Variants in FER1L6 observed in about 807,000 individuals in gnomAD.
FER1L6 encodes fer-1-like protein 6.
A neutral mutation model predicts 219.2 loss-of-function variants in FER1L6; 177 were observed. That is an observed-to-expected ratio of 0.81 (90% confidence interval 0.71 to 0.91). The LOEUF (loss-of-function observed/expected upper bound fraction) is 0.91. FER1L6 is among the 40% of genes least tolerant of loss of function. The pLI, the probability that FER1L6 is intolerant of heterozygous loss-of-function variation, is 0.00. For missense variants in FER1L6, 2,153 were observed against 2,259.9 expected, an observed-to-expected ratio of 0.95 and a Z score of 0.96; for synonymous variants, 768 against 824.3, an observed-to-expected ratio of 0.93 and a Z score of 1.17.
intron 12 of FER1L6, among the ~76,000 whole-genome samples, chr8:123,990,521 A>G (rs993946318): frequency 6.6e-6 from 1 of 151,924 alleles, no homozygotes; most frequent in Non-Finnish European, 1.5e-5. Flanking sequence ...CATTTGTATT[A>G]TCTTCTTTTG....
intron 19 of FER1L6, among the ~76,000 whole-genome samples, chr8:124,037,778 A>G (rs912574967): frequency 2.0e-5 from 3 of 151,924 alleles, no homozygotes; most frequent in Non-Finnish European, 2.9e-5. Flanking sequence ...TGTCTTTGGC[A>G]CCCCCTGCCT....
chr8:123,856,304 A>G lies in FER1L6; in HGVS notation c.-8+4119A>G, dbSNP rs867900183. Among the ~76,000 whole-genome samples the G allele has an allele frequency of 6.5e-3, 393 of 60,426 alleles. 65 individuals are homozygous for G. Among genetic ancestry groups the G allele is most frequent in the African/African-American group, 0.022 (338 of 15,418 alleles). 39.6% of individuals were successfully genotyped at this position (60,426 alleles called of 152,430 possible). ...TATATGTGTGTGTGTATATATATAT[A>G]TATATGTATGTGTATATATATATAT... On this transcript the variant is annotated intron_variant, in intron 1 of 40. Coordinates refer to ENST00000522917, the MANE Select transcript of FER1L6 (RefSeq NM_001039112.2).
At chr8:124,004,114 T>TTA (rs1446347371) in intron 13 of FER1L6, 3 of 18,728 alleles carry the variant, frequency 1.6e-4, no homozygotes, top group Non-Finnish European at 3.1e-4. Context: ...ACTGAAAGAC[T>TTA]CAAAAAAAAA....
In FER1L6 at chr8:124,119,667, C is replaced by T. The variant is rs751399678; in HGVS notation, c.5451C>T (p.Ile1817=). The T allele has an allele frequency of 3.7e-5, 60 of 1,613,570 alleles. No homozygotes were observed. Among genetic ancestry groups the T allele is most frequent in the Non-Finnish European group, 4.8e-5 (57 of 1,179,598 alleles). ...MSPFKCLYYL[I]WKNYKKYIII... ...CCTTTAAGTGCCTGTACTACCTCAT[C>T]TGGAAGAATTACAAAAAGTACATCA... Residue 1817 remains isoleucine, a synonymous_variant, in exon 41 of 41, where the codon ATC becomes ATT. Coordinates refer to ENST00000522917, the MANE Select transcript of FER1L6 (RefSeq NM_001039112.2).
Position 124,111,012 on chromosome 8 carries a change from T to C in FER1L6, c.5289+7703T>C, listed in dbSNP as rs145803278. Among the ~76,000 whole-genome samples the C allele has an allele frequency of 2.7e-3, 414 of 152,188 alleles. 2 individuals carry two copies. The highest frequency in any genetic ancestry group is 9.7e-3 in the African/African-American group (404 of 41,522). On this transcript the variant is annotated intron_variant, in intron 39 of 40. Transcript: ENST00000522917. The surrounding 1 kb of genome is among the most constrained non-coding windows in gnomAD (Gnocchi z 5.0). ...CTACCCTCCCACAGAAACTGGGGTA[T>C]AGGGTGCTATTCTCTCGATGTTTAC...
intron 22 of FER1L6, among the ~76,000 whole-genome samples, chr8:124,055,059 G>C (rs550326364): frequency 6.6e-6 from 1 of 152,132 alleles, no homozygotes; most frequent in Non-Finnish European, 1.5e-5. Context: ...AGAGTCTTTT[G>C]GATCAACTGA....
At position 124,010,750 on chromosome 8, in the gene FER1L6, G is replaced by A. The variant is rs369602356; in HGVS notation, c.1821+36G>A. 68 of 1,606,386 alleles carry A rather than the reference G, an allele frequency of 4.2e-5. No homozygotes were observed. The African/African-American group carries it at 8.7e-4, about 21-fold the overall frequency. ...CTGACAGGTGATGGATTAGAGAATT[G>A]GGAAGCTGGTGGGGGAAGGGATTTT... On this transcript the variant is annotated intron_variant, in intron 14 of 40. Coordinates refer to ENST00000522917, the MANE Select transcript of FER1L6 (RefSeq NM_001039112.2).
chr8:124,085,038 T>G (rs1821723958), intron 33 of FER1L6, among the ~76,000 whole-genome samples: 1 of 152,098 alleles, frequency 6.6e-6, no homozygotes, highest in Admixed American at 6.6e-5. Context: ...CCAATTTATT[T>G]GCTAATTTCC....
At chr8:123,970,987 T>C (rs1370096357) in intron 6 of FER1L6, among the ~76,000 whole-genome samples, 2 of 152,150 alleles carry the variant, frequency 1.3e-5, no homozygotes, top group Non-Finnish European at 2.9e-5. Context: ...GTTTCTCTCT[T>C]CCAAACAGTT....
At chr8:123,960,867 T>A (rs1037792424) in intron 2 of FER1L6, among the ~76,000 whole-genome samples, 7 of 152,220 alleles carry the variant, frequency 4.6e-5, no homozygotes, top group Non-Finnish European at 8.8e-5. Context: ...AGATTAGGAC[T>A]GGCTATCTTT....
rs1353098766 is a variant in FER1L6, at chr8:124,003,209, G to A, written c.1562G>A (p.Ser521Asn). ...ATTGATGGAGGATCCCATCATGGGA[G>A]TAAGAAGTCAGCTGAATCAGCTGAA... ...NLIDGGSHHGSKKSAESAEED... is the reference protein window; with the variant it reads ...NLIDGGSHHGNKKSAESAEED... Residue 521 changes from serine (S) to asparagine (N), a missense_variant, in exon 13 of 41, where the codon AGT becomes AAT. By Grantham distance (46) the Ser-to-Asn change is conservative. Coordinates refer to ENST00000522917, the MANE Select transcript of FER1L6 (RefSeq NM_001039112.2). The A allele has an allele frequency of 2.5e-6, 4 of 1,614,118 alleles. No homozygotes were observed. Among genetic ancestry groups the A allele is most frequent in the East Asian group, 2.2e-5 (1 of 44,872 alleles).
intron 37 of FER1L6, 40 bp from the exon 38 acceptor site, chr8:124,101,057 T>C (rs775035547): frequency 6.3e-7 from 1 of 1,596,752 alleles, no homozygotes. Context: ...GCCTGGAGAA[T>C]GTACTCTGAG....
At chr8:124,115,333 T>A (rs570674372) in intron 39 of FER1L6, among the ~76,000 whole-genome samples, 1 of 152,112 alleles carries the variant, frequency 6.6e-6, no homozygotes, top group East Asian at 1.9e-4. Flanking sequence ...GAAACCTCTG[T>A]GAAGAACGAT....
At chr8:123,962,731 G>A (rs150550591) in intron 2 of FER1L6, among the ~76,000 whole-genome samples, 50 of 152,244 alleles carry the variant, frequency 3.3e-4, no homozygotes, top group Middle Eastern at 6.8e-3. Flanking sequence ...GGGTTCAAGC[G>A]TTGCTCCTGC....
intron 18 of FER1L6, among the ~76,000 whole-genome samples, chr8:124,031,804 C>T (rs140203459): frequency 8.3e-4 from 126 of 152,226 alleles, no homozygotes; most frequent in African/African-American, 2.8e-3. Context: ...CAGGGGCAGA[C>T]ATGTAACCAG....
At chr8:123,992,990 G>A (rs1816934587) in intron 12 of FER1L6, among the ~76,000 whole-genome samples, 1 of 152,096 alleles carries the variant, frequency 6.6e-6, no homozygotes, top group South Asian at 2.1e-4. Context: ...TAATTTCCAT[G>A]TATTTTTAGT....
rs766380936 is a variant in FER1L6, at chr8:124,097,300, T to A, written c.4725T>A (p.Phe1575Leu). Residue 1575 changes from phenylalanine to leucine, a missense_variant, in exon 36 of 41, where the codon TTT (phenylalanine) becomes TTA (leucine). Coordinates refer to ENST00000522917, the MANE Select transcript of FER1L6 (RefSeq NM_001039112.2). Reference protein sequence around the residue: ...QGRLQMWVDMFPKDMPQPGPP... With the variant: ...QGRLQMWVDMLPKDMPQPGPP... The stretch of plus-strand genomic sequence containing the variant: ...GCCTGCAGATGTGGGTGGACATGTT[T>A]CCCAAGGATATGCCTCAACCTGGAC... 1.9e-6 allele frequency: 3 copies of A among 1,613,480 alleles called. No homozygotes were observed. The highest frequency in any genetic ancestry group is 2.5e-6 in the Non-Finnish European group (3 of 1,179,646).
intron 1 of FER1L6, among the ~76,000 whole-genome samples, chr8:123,907,408 T>C (rs7823126): frequency 0.58 from 87,383 of 151,784 alleles, 25,461 homozygotes; most frequent in South Asian, 0.75. Context: ...TGCTTCCTTA[T>C]TGATAGTCAG....
chr8:124,109,277 CCCAGGAAAGG>C (rs1822915607), intron 39 of FER1L6, among the ~76,000 whole-genome samples: 4 of 152,108 alleles, frequency 2.6e-5, no homozygotes. Context: ...TTACATAGGG[CCCAGGAAAGG>C]CTGGTTGCTC....
Sources: allele counts gnomAD v4.1 joint callset (sites outside exome capture counted in the v4.1 genomes callset), GRCh38; gene constraint gnomAD v4.1.1; non-coding constraint Gnocchi (gnomAD v3.1); transcripts MANE v1.5; gene names NCBI Gene and HGNC (gene_info 2026-07-23, HGNC 2026-07-21).